The following GRM3 variants were observed in gnomAD, a reference collection of about 807,000 sequenced individuals.
GRM3 encodes the protein metabotropic glutamate receptor 3.
In GRM3, 26 loss-of-function variants were observed where a neutral mutation model predicts 70.5. The observed-to-expected ratio is 0.37, with a 90% confidence interval of 0.27 to 0.51. The LOEUF (loss-of-function observed/expected upper bound fraction) is 0.51, where lower values mean the gene tolerates loss of function less well. Among genes scored for constraint, GRM3 ranks in the 20% least tolerant of loss-of-function variants. The probability of loss-of-function intolerance (pLI) is 0.93; values close to 1 mark genes in which losing one functional copy is unlikely to be tolerated. For synonymous variants in GRM3, 443 were observed against 434.9 expected (o/e 1.02, Z -0.23); for missense variants, 859 against 1,123.8 (o/e 0.76, Z 3.37).
chr7:86,766,630 T>A (rs1394445692), intron 2 of GRM3, among the ~76,000 whole-genome samples: 1 of 152,142 alleles, frequency 6.6e-6, no homozygotes, highest in Admixed American at 6.5e-5. Flanking sequence ...AGAACTCAGA[T>A]AGATCTTTTG....
intron 3 of GRM3, among the ~76,000 whole-genome samples, chr7:86,818,558 A>G (rs1260156207): frequency 6.6e-6 from 1 of 152,150 alleles, no homozygotes; most frequent in Non-Finnish European, 1.5e-5. Context: ...GAGATGATGT[A>G]TGTAAAGCAC....
chr7:86,692,553 ATC>A (rs775734932), intron 1 of GRM3, among the ~76,000 whole-genome samples: 1 of 152,066 alleles, frequency 6.6e-6, no homozygotes, highest in Non-Finnish European at 1.5e-5. Flanking sequence ...CACCTGCCAC[ATC>A]TCTCTCTCTC....
In GRM3 at chr7:86,850,507, G is replaced by T; in HGVS notation, c.2529G>T (p.Arg843Ser). The change falls in exon 5 of 6, where the codon AGG (arginine) becomes AGT (serine). Residue 843 changes from arginine to serine, a missense_variant. By Grantham distance (110) the Arg-to-Ser change is moderately radical (BLOSUM62 -1). Transcript: ENST00000361669. ...NVVTHRLHLN[R>S]FSVSGTGTTY... Reference sequence around the variant, plus strand: ...TCACACACAGACTGCACCTCAACAGGTTCAGTGTCAGTGGAACTGGGACCA... The same window carrying T: ...TCACACACAGACTGCACCTCAACAGTTTCAGTGTCAGTGGAACTGGGACCA... The T allele has an allele frequency of 6.2e-7, 1 of 1,611,910 alleles. No homozygotes were observed. Among genetic ancestry groups the T allele is most frequent in the South Asian group, 1.1e-5 (1 of 91,026 alleles).
At chr7:86,803,727 G>A (rs867922555) in intron 3 of GRM3, among the ~76,000 whole-genome samples, 41 of 151,966 alleles carry the variant, frequency 2.7e-4, no homozygotes, top group African/African-American at 8.9e-4. Context: ...CCCTTTTTTC[G>A]CATCCCAAGC....
intron 5 of GRM3, among the ~76,000 whole-genome samples, chr7:86,851,174 A>C (rs1330743095): frequency 1.3e-5 from 2 of 152,160 alleles, no homozygotes; most frequent in African/African-American, 2.4e-5. Context: ...TATCACAGTA[A>C]AACTAACATC....
intron 1 of GRM3, among the ~76,000 whole-genome samples, chr7:86,658,176 A>G (rs1396168041): frequency 1.3e-5 from 2 of 152,196 alleles, no homozygotes. Flanking sequence ...TTCGTCTTAT[A>G]CCCACCTCTA....
At chr7:86,793,709 G>A (rs910377091) in intron 3 of GRM3, among the ~76,000 whole-genome samples, 5 of 152,110 alleles carry the variant, frequency 3.3e-5, no homozygotes, top group Non-Finnish European at 5.9e-5. Context: ...CCCATTTTAA[G>A]GTCATGCTGT....
rs527889979 is a variant in GRM3, at chr7:86,697,669, G to A, written c.-141+52797G>A. The stretch of plus-strand genomic sequence containing the variant: ...TAAATTTTTAAGTTTATAACCTAGA[G>A]GTAATATTACTAATTTTGAAATGAT... On this transcript the variant is annotated intron_variant, in intron 1 of 5. Transcript: ENST00000361669. Among the ~76,000 whole-genome samples, 8 of 151,914 alleles carry A rather than the reference G, an allele frequency of 5.3e-5. No individual in the cohort carries two copies. In the South Asian group the frequency reaches 1.7e-3, roughly 32 times the overall value.
At chr7:86,758,240 A>G (rs1796394878) in intron 1 of GRM3, among the ~76,000 whole-genome samples, 1 of 152,172 alleles carries the variant, frequency 6.6e-6, no homozygotes, top group Non-Finnish European at 1.5e-5. Flanking sequence ...TTGATGGGTC[A>G]TATTGCCAAT....
At chr7:86,762,830 G>T (rs1290212510) in intron 1 of GRM3, among the ~76,000 whole-genome samples, 1 of 152,034 alleles carries the variant, frequency 6.6e-6, no homozygotes, top group Non-Finnish European at 1.5e-5. Flanking sequence ...GCAAAAGCAA[G>T]GGGTCATCAA....
chr7:86,750,442 A>G (rs561911641), intron 1 of GRM3, among the ~76,000 whole-genome samples: 77 of 152,214 alleles, frequency 5.1e-4, no homozygotes, highest in Non-Finnish European at 4.7e-4. Context: ...TAAGTAACTG[A>G]ATTAGCTTGC....
intron 5 of GRM3, among the ~76,000 whole-genome samples, chr7:86,860,042 C>T (rs1271153089): frequency 1.3e-5 from 2 of 152,118 alleles, no homozygotes; most frequent in African/African-American, 4.8e-5. Context: ...ACACCTTATC[C>T]TAGAGTATCC....
intron 2 of GRM3, among the ~76,000 whole-genome samples, chr7:86,774,514 A>G (rs1330882886): frequency 6.6e-6 from 1 of 152,118 alleles, no homozygotes; most frequent in Admixed American, 6.6e-5. Flanking sequence ...GATTCTTGCC[A>G]ACACTTTGGC....
At chr7:86,711,579 A>C (rs967835421) in intron 1 of GRM3, among the ~76,000 whole-genome samples, 2 of 152,128 alleles carry the variant, frequency 1.3e-5, no homozygotes. Context: ...TTTAGCTGCC[A>C]AATATACTGG....
At chr7:86,790,397 T>C (rs1797376490) in intron 3 of GRM3, among the ~76,000 whole-genome samples, 1 of 152,184 alleles carries the variant, frequency 6.6e-6, no homozygotes, top group African/African-American at 2.4e-5. Context: ...CCCTGGTCCA[T>C]ACCACCATCT....
At chr7:86,783,496 A>G (rs1459515090) in intron 2 of GRM3, among the ~76,000 whole-genome samples, 1 of 146,512 alleles carries the variant, frequency 6.8e-6, no homozygotes, top group Non-Finnish European at 1.5e-5. Flanking sequence ...TGTGACTATC[A>G]AAAGAGCAAA....
intron 1 of GRM3, among the ~76,000 whole-genome samples, chr7:86,684,169 T>TA (rs1554346524): frequency 6.6e-6 from 1 of 152,144 alleles, no homozygotes; most frequent in Non-Finnish European, 1.5e-5. Flanking sequence ...TGCAACATTA[T>TA]AGCCTTGCTC....
chr7:86,683,886 A>G (rs1794500050), intron 1 of GRM3, among the ~76,000 whole-genome samples: 1 of 152,170 alleles, frequency 6.6e-6, no homozygotes, highest in African/African-American at 2.4e-5. Flanking sequence ...ATCATGGTGT[A>G]CAGTTTATAT....
At chr7:86,820,327 A>G (rs1798094706) in intron 3 of GRM3, among the ~76,000 whole-genome samples, 1 of 152,092 alleles carries the variant, frequency 6.6e-6, no homozygotes, top group Non-Finnish European at 1.5e-5. Context: ...GCACTCTTTG[A>G]CTTCCATCAG....
Sources: gnomAD v4.1 joint callset for allele counts (sites outside exome capture counted in the v4.1 genomes callset) on GRCh38, gnomAD v4.1.1 for gene constraint, MANE v1.5 for transcripts, NCBI Gene and HGNC (gene_info 2026-07-23, HGNC 2026-07-21) for gene names.